Variants in NDUFS4 observed in about 807,000 individuals in gnomAD.
NDUFS4 encodes NADH dehydrogenase [ubiquinone] iron-sulfur protein 4, mitochondrial.
In NDUFS4, 28 loss-of-function variants were observed where a neutral mutation model predicts 24.3. That is an observed-to-expected ratio of 1.15 (90% CI 0.85 to 1.58). The LOEUF is 1.58. Ranked by LOEUF, NDUFS4 falls within the 40% of genes most tolerant of loss-of-function variation. The pLI is 0.00. For synonymous variants in NDUFS4, 93 were observed against 69.7 expected (o/e 1.34, Z -1.67); for missense variants, 223 against 207.9 (o/e 1.07, Z -0.45).
chr5:53,661,022 A>G (rs1752326843), intron 4 of NDUFS4, among the ~76,000 whole-genome samples: 1 of 152,176 alleles, frequency 6.6e-6, no homozygotes, highest in South Asian at 2.1e-4. Context: ...CCATTTGTCA[A>G]TTCTGGCTTT....
At chr5:53,627,708 T>C (rs1286447413) in intron 2 of NDUFS4, among the ~76,000 whole-genome samples, 1 of 152,182 alleles carries the variant, frequency 6.6e-6, no homozygotes, top group Admixed American at 6.5e-5. Context: ...ATAAGAATGC[T>C]TGTGATTTTT....
At chr5:53,635,800 T>C (rs548186745) in intron 2 of NDUFS4, among the ~76,000 whole-genome samples, 1 of 152,258 alleles carries the variant, frequency 6.6e-6, no homozygotes, top group South Asian at 2.1e-4. Flanking sequence ...GTTTTCCTTA[T>C]AAAAATGCAA....
At chr5:53,665,839 A>C (rs1286007260) in intron 4 of NDUFS4, among the ~76,000 whole-genome samples, 2 of 152,138 alleles carry the variant, frequency 1.3e-5, no homozygotes, top group Non-Finnish European at 2.9e-5. Context: ...TGTCCTGCAC[A>C]CACTGTCTGA....
chr5:53,646,506 A>G (rs2112507791), intron 3 of NDUFS4, 101 bp downstream of exon 3: 1 of 1,247,296 alleles, frequency 8.0e-7, no homozygotes, highest in Non-Finnish European at 1.2e-6. Context: ...CAATATGCTT[A>G]TGACAGTACT....
At position 53,656,878 on chromosome 5, in the gene NDUFS4, T is replaced by G. The variant is rs566146781; in HGVS notation, c.351-1673T>G. On this transcript the variant is annotated intron_variant, in intron 3 of 4. Coordinates refer to ENST00000296684, the MANE Select transcript of NDUFS4 (RefSeq NM_002495.4). ...AATGAAAAAGAGCTTAAACTGGTGG[T>G]GACAGCATACCTAAAAAAGAACTAC... Among the ~76,000 whole-genome samples the G allele has an allele frequency of 2.6e-5, 4 of 152,006 alleles. 1 individual carries two copies. The South Asian group carries it at 8.3e-4, about 32-fold the overall frequency.
At chr5:53,622,900 T>G (rs954183380) in intron 2 of NDUFS4, among the ~76,000 whole-genome samples, 2 of 152,216 alleles carry the variant, frequency 1.3e-5, no homozygotes, top group Non-Finnish European at 2.9e-5. Flanking sequence ...TGCTCTCCCC[T>G]GTTCCTCATA....
intron 1 of NDUFS4, among the ~76,000 whole-genome samples, chr5:53,569,404 CAGGCA>C (rs774597949): frequency 1.2e-3 from 181 of 152,192 alleles, no homozygotes; most frequent in Admixed American, 2.8e-3. Context: ...GATATTTTGG[CAGGCA>C]AGGTTACCTT....
intron 1 of NDUFS4, among the ~76,000 whole-genome samples, chr5:53,603,038 T>TA (rs1750374589): frequency 6.6e-6 from 1 of 152,206 alleles, no homozygotes; most frequent in African/African-American, 2.4e-5. Context: ...ATAAACTTTT[T>TA]ATTATGATTG....
intron 2 of NDUFS4, 80 bp from the exon 3 acceptor site, chr5:53,646,153 T>G: frequency 8.6e-7 from 1 of 1,161,610 alleles, no homozygotes; most frequent in Non-Finnish European, 1.3e-6. Context: ...TAGAGTTGCA[T>G]GAATATAGGA....
chr5:53,646,738 C>T (rs531992039), intron 3 of NDUFS4, among the ~76,000 whole-genome samples: 1 of 152,036 alleles, frequency 6.6e-6, no homozygotes, highest in Admixed American at 6.5e-5. Flanking sequence ...TTCAGTTATC[C>T]GATGGACAGT....
At chr5:53,624,620 A>G (rs1751161066) in intron 2 of NDUFS4, among the ~76,000 whole-genome samples, 1 of 152,100 alleles carries the variant, frequency 6.6e-6, no homozygotes, top group South Asian at 2.1e-4. Context: ...TTTGTAATTT[A>G]CTTTTTAGAT....
rs142904798 is a variant in NDUFS4 at position 53,669,170 on chromosome 5, C to T, written c.424+10546C>T. ...AGGTGACCTCTAGTCTAAACTGTTA[C>T]GTATACTGCCTCAATACTATGACAT... On this transcript the variant is annotated intron_variant, in intron 4 of 4. Coordinates refer to ENST00000296684, the MANE Select transcript of NDUFS4 (RefSeq NM_002495.4). Among the ~76,000 whole-genome samples, 1,384 of 152,240 alleles carry T rather than the reference C, an allele frequency of 9.1e-3. 8 individuals are homozygous for T. The highest frequency in any genetic ancestry group is 0.024 in the Middle Eastern group (7 of 294).
chr5:53,659,782 T>TGCCCATGCCTG (rs1752274542), intron 4 of NDUFS4, among the ~76,000 whole-genome samples: 1 of 152,162 alleles, frequency 6.6e-6, no homozygotes, highest in African/African-American at 2.4e-5. Context: ...TTGCTTTTCT[T>TGCCCATGCCTG]TTTCACCTAG....
chr5:53,659,685 C>G (rs1245583773), intron 4 of NDUFS4, among the ~76,000 whole-genome samples: 2 of 152,114 alleles, frequency 1.3e-5, no homozygotes, highest in Non-Finnish European at 2.9e-5. Context: ...TACTGTAAGG[C>G]AGTATATAAA....
intron 2 of NDUFS4, among the ~76,000 whole-genome samples, chr5:53,619,231 G>T (rs1032933590): frequency 6.6e-6 from 1 of 150,890 alleles, no homozygotes; most frequent in Non-Finnish European, 1.5e-5. Context: ...AGCACTTTGG[G>T]AGGCCGAGGC....
chr5:53,609,254 A>G (rs1750622791), intron 2 of NDUFS4, among the ~76,000 whole-genome samples: 1 of 152,052 alleles, frequency 6.6e-6, no homozygotes, highest in Admixed American at 6.6e-5. Context: ...AAATAATAAG[A>G]CTCAAAAGTC....
chr5:53,643,978 A>G (rs190877990), intron 2 of NDUFS4, among the ~76,000 whole-genome samples: 16 of 152,296 alleles, frequency 1.1e-4, no homozygotes, highest in South Asian at 2.1e-4. Context: ...TATGAGTTCA[A>G]AATATAAATA....
intron 4 of NDUFS4, among the ~76,000 whole-genome samples, chr5:53,665,547 C>T (rs762749729): frequency 6.6e-6 from 1 of 152,190 alleles, no homozygotes. Flanking sequence ...CCCACAGCCT[C>T]GCTGATGCCT....
At chr5:53,603,041 T>C (rs1750374672) in intron 1 of NDUFS4, among the ~76,000 whole-genome samples, 2 of 152,212 alleles carry the variant, frequency 1.3e-5, no homozygotes, top group African/African-American at 4.8e-5. Flanking sequence ...AACTTTTTAT[T>C]ATGATTGGGA....
Sources: gnomAD v4.1 joint callset for allele counts (sites outside exome capture counted in the v4.1 genomes callset) on GRCh38, gnomAD v4.1.1 for gene constraint, MANE v1.5 for transcripts, NCBI Gene and HGNC (gene_info 2026-07-23, HGNC 2026-07-21) for gene names.